The following SRI variants were observed in gnomAD, a reference collection of about 807,000 sequenced individuals.
The protein encoded by SRI is sorcin, also known as 22 kDa protein.
A neutral mutation model predicts 33.3 loss-of-function variants in SRI; 30 were observed. The ratio of observed to expected loss-of-function variants is 0.90; its 90% CI spans 0.67 to 1.22. SRI has a LOEUF of 1.22. SRI is among the 50% of genes most tolerant of loss of function. The pLI is 0.00. For synonymous variants in SRI, 75 were observed against 89.9 expected, an observed-to-expected ratio of 0.83 and a Z score of 0.94; for missense variants, 243 against 250.8, an observed-to-expected ratio of 0.97 and a Z score of 0.21.
chr7:88,213,116 C>G (rs150432293), intron 3 of SRI, among the ~76,000 whole-genome samples: 94 of 152,292 alleles, frequency 6.2e-4, no homozygotes, highest in African/African-American at 2.2e-3. Flanking sequence ...GAGTCCATTT[C>G]CAGCCCCACT....
At chr7:88,206,556 C>T in intron 7 of SRI, 52 bp from the exon 8 acceptor site, 1 of 1,604,920 alleles carries the variant, frequency 6.2e-7, no homozygotes, top group Non-Finnish European at 8.5e-7. Flanking sequence ...TTATACGGCA[C>T]AGCCTATTTC....
At chr7:88,210,817 C>G in intron 4 of SRI, 65 bp downstream of exon 4, 1 of 1,465,140 alleles carries the variant, frequency 6.8e-7, no homozygotes, top group Non-Finnish European at 9.5e-7. Flanking sequence ...GATATTAATT[C>G]TAAGATGAAT....
chr7:88,213,595 CCT>C lies in SRI; in HGVS notation c.206-2672_206-2671del, dbSNP rs533892286. ...GTGCCCATTCTATGTGATTCCACAG[CCT>C]CTCTCTTATCCCAGTGCTTTTCCCA... On this transcript the variant is annotated intron_variant, in intron 3 of 7. Transcript: ENST00000265729. 4.0e-3 allele frequency among the ~76,000 whole-genome samples: 604 copies of C among 152,252 alleles called. 2 individuals are homozygous for C. The highest frequency in any genetic ancestry group is 0.014 in the African/African-American group (590 of 41,546).
At chr7:88,213,470 A>G (rs1851629918) in intron 3 of SRI, among the ~76,000 whole-genome samples, 1 of 152,202 alleles carries the variant, frequency 6.6e-6, no homozygotes, top group Non-Finnish European at 1.5e-5. Flanking sequence ...AACCTAGGAC[A>G]CAACTTCCCC....
chr7:88,224,209 G>A (rs924668016), upstream of SRI, among the ~76,000 whole-genome samples: 2 of 152,200 alleles, frequency 1.3e-5, no homozygotes, highest in Non-Finnish European at 2.9e-5. Flanking sequence ...CCATTCTTTT[G>A]TGGTACACCT....
upstream of SRI, among the ~76,000 whole-genome samples, chr7:88,220,482 GTTAGGGCAAGCC>G (rs1851866521): frequency 6.6e-6 from 1 of 152,136 alleles, no homozygotes; most frequent in Admixed American, 6.5e-5. Context: ...GGCTGGATGC[GTTAGGGCAAGCC>G]TTAGGTGCCA....
upstream of SRI, among the ~76,000 whole-genome samples, chr7:88,224,832 C>T (rs1851961601): frequency 6.6e-6 from 1 of 152,208 alleles, no homozygotes; most frequent in African/African-American, 2.4e-5. Flanking sequence ...CTTCAAACAA[C>T]TTCTGCTACA....
chr7:88,208,225 G>C (rs1423941566), intron 7 of SRI: 6 of 497,894 alleles, frequency 1.2e-5, no homozygotes, highest in Non-Finnish European at 1.2e-5. Context: ...TTCATATAGT[G>C]TCACAGCAAT....
chr7:88,217,318 T>G, intron 2 of SRI, 127 bp from the exon 3 acceptor site: 1 of 790,746 alleles, frequency 1.3e-6, no homozygotes, highest in South Asian at 1.6e-5. Flanking sequence ...AGGAATGCCT[T>G]TTTTTTATTA....
At chr7:88,226,903 A>G (rs1279155561) in intron 1 of SRI, 1 of 1,613,440 alleles carries the variant, frequency 6.2e-7, no homozygotes, top group East Asian at 2.2e-5. Flanking sequence ...CATATCATTT[A>G]CTTGCCTGCA....
intron 1 of SRI, 158 bp from the exon 2 acceptor site, chr7:88,219,100 C>G (rs1851813175): frequency 1.5e-6 from 1 of 678,916 alleles, no homozygotes; most frequent in Admixed American, 2.1e-5. Context: ...CACTCCACCC[C>G]TCTCTTCCAT....
upstream of SRI, among the ~76,000 whole-genome samples, chr7:88,221,128 T>G (rs1000369871): frequency 6.6e-6 from 1 of 152,198 alleles, no homozygotes; most frequent in Non-Finnish European, 1.5e-5. Context: ...CAGAAACATT[T>G]AAAGGGTCAT....
rs774635687 is a variant in SRI at position 88,210,053 on chromosome 7, A to G, written c.327T>C (p.Phe109=). The change falls in exon 5 of 8, where the codon TTT becomes TTC. Residue 109 remains phenylalanine (F), a synonymous_variant. Transcript: ENST00000265729. ...WAVLNGWRQH[F]ISFDTDRSGT... ...CACTCCTGTCAGTGTCAAAACTGAT[A>G]AAGTGTTGTCTCCAGCCATTCAGTA... 1.9e-6 allele frequency: 3 copies of G among 1,614,058 alleles called. No homozygotes were observed. The highest frequency in any genetic ancestry group is 1.3e-5 in the African/African-American group (1 of 74,928).
chr7:88,223,127 A>C (rs1851926886), upstream of SRI, among the ~76,000 whole-genome samples: 1 of 152,210 alleles, frequency 6.6e-6, no homozygotes, highest in Non-Finnish European at 1.5e-5. Flanking sequence ...ATTTTAATGG[A>C]GTGTTGCAAA....
At chr7:88,214,272 GTAAGTGAA>G (rs932265998) in intron 3 of SRI, among the ~76,000 whole-genome samples, 2 of 152,218 alleles carry the variant, frequency 1.3e-5, no homozygotes, top group African/African-American at 4.8e-5. Context: ...CAGGCAAAGC[GTAAGTGAA>G]TAGCTCAATA....
intron 3 of SRI, chr7:88,215,003 A>T (rs574841684): frequency 1.5e-5 from 7 of 465,410 alleles, no homozygotes; most frequent in African/African-American, 7.9e-5. Context: ...TTCTCTCACC[A>T]ACTCCACCTC....
chr7:88,223,954 G>C (rs1214874640), upstream of SRI, among the ~76,000 whole-genome samples: 2 of 152,218 alleles, frequency 1.3e-5, no homozygotes, highest in Non-Finnish European at 2.9e-5. Flanking sequence ...GCATGGGTTA[G>C]GGAGAGAACT....
upstream of SRI, among the ~76,000 whole-genome samples, chr7:88,223,010 T>A (rs2115827550): frequency 6.6e-6 from 1 of 152,110 alleles, no homozygotes; most frequent in Non-Finnish European, 1.5e-5. Flanking sequence ...GGGATCTAAT[T>A]AAACTAAAGA....
chr7:88,205,832 C>T lies in SRI; in HGVS notation c.*646G>A, dbSNP rs1851428118. 6.6e-6 allele frequency: 1 copy of T among 152,446 alleles called. No individual in the cohort carries two copies. Among genetic ancestry groups the T allele is most frequent in the Admixed American group, 6.6e-5 (1 of 15,262 alleles). 9.4% of individuals were successfully genotyped at this position (152,446 alleles called of 1,614,324 possible). A position where few individuals can be genotyped will look rare whatever the true frequency, so the allele number is the denominator to read the frequency against. On this transcript the variant is annotated 3_prime_UTR_variant, in exon 8 of 8. Transcript: ENST00000265729. ...CATTGTTAATATTTCCATATATTCCCTTAGTCTTTTTCTATCAATTTTCTT... is the reference window on the plus strand; with the variant it reads ...CATTGTTAATATTTCCATATATTCCTTTAGTCTTTTTCTATCAATTTTCTT...
Sources: allele counts gnomAD v4.1 joint callset (sites outside exome capture counted in the v4.1 genomes callset), GRCh38; gene constraint gnomAD v4.1.1; transcripts MANE v1.5; gene names NCBI Gene and HGNC (gene_info 2026-07-23, HGNC 2026-07-21).